The following DNAJC6 variants were observed in gnomAD, a reference collection of about 807,000 sequenced individuals.
The protein encoded by DNAJC6 is auxilin.
DNAJC6 carries 34 observed loss-of-function variants against 110.0 expected under a neutral mutation model. The observed-to-expected ratio is 0.31, with a 90% CI of 0.24 to 0.41. The LOEUF (loss-of-function observed/expected upper bound fraction) is 0.41, where lower values mean the gene tolerates loss of function less well. Among genes scored for constraint, DNAJC6 ranks in the 10% least tolerant of loss-of-function variants. DNAJC6 has a pLI of 1.00. For missense variants in DNAJC6, 1,031 were observed against 1,207.8 expected, an observed-to-expected ratio of 0.85 and a Z score of 2.17; for synonymous variants, 406 against 437.2, an observed-to-expected ratio of 0.93 and a Z score of 0.89.
intron 1 of DNAJC6, among the ~76,000 whole-genome samples, chr1:65,337,329 T>G (rs2101474174): frequency 6.6e-6 from 1 of 151,396 alleles, no homozygotes; most frequent in East Asian, 1.9e-4. Flanking sequence ...ACTATTTCTA[T>G]GAGGAAAAAC....
At chr1:65,411,759 C>G (rs1321882601) in intron 18 of DNAJC6, among the ~76,000 whole-genome samples, 1 of 151,836 alleles carries the variant, frequency 6.6e-6, no homozygotes, top group Non-Finnish European at 1.5e-5. Flanking sequence ...CGCTCGAGCC[C>G]TCAAGTTTGA....
At chr1:65,334,812 C>T (rs1186402892) in intron 1 of DNAJC6, among the ~76,000 whole-genome samples, 1 of 152,134 alleles carries the variant, frequency 6.6e-6, no homozygotes, top group Non-Finnish European at 1.5e-5. Flanking sequence ...CCCATTCTTA[C>T]TCCATAACCT....
rs747310079 is a variant in DNAJC6, at chr1:65,385,736, A to G, written c.825A>G (p.Leu275=). The change falls in exon 7 of 19, where the codon CTA becomes CTG. Residue 275 remains leucine (L), a synonymous_variant. Coordinates refer to ENST00000371069, the MANE Select transcript of DNAJC6 (RefSeq NM_001256864.2). The stretch of plus-strand genomic sequence containing the variant: ...GATACCTGGGCTATATGTGTGACCT[A>G]CTGGCAGACAAGCCCTACCGCCCTC... The part of the protein sequence containing the change: ...HRRYLGYMCD[L]LADKPYRPHF... The G allele has an allele frequency of 5.6e-6, 9 of 1,611,968 alleles. No individual in the cohort carries two copies. In the East Asian group the frequency reaches 2.0e-4, roughly 36 times the overall value.
chr1:65,293,941 C>A (rs898740931), intron 1 of DNAJC6, among the ~76,000 whole-genome samples: 1 of 152,144 alleles, frequency 6.6e-6, no homozygotes, highest in Non-Finnish European at 1.5e-5. Flanking sequence ...CAAAGGAAAT[C>A]AACATAAATT....
Position 65,408,842 on chromosome 1 carries a change from T to C in DNAJC6, c.2634+59T>C, listed in dbSNP as rs984555277. The C allele has an allele frequency of 1.4e-4, 223 of 1,586,332 alleles. 1 individual carries two copies. The highest frequency in any genetic ancestry group is 1.3e-3 in the East Asian group (58 of 44,648). ...TATATGACAAAGTCATGTGATAAAG[T>C]CATGTGTATGGAGCTATCGCCATGA... is the stretch of plus-strand genomic sequence containing the variant. On this transcript the variant is annotated intron_variant, in intron 17 of 18. Transcript: ENST00000371069.
intron 4 of DNAJC6, among the ~76,000 whole-genome samples, chr1:65,371,392 A>AT (rs551286222): frequency 6.6e-6 from 1 of 151,946 alleles, no homozygotes; most frequent in African/African-American, 2.4e-5. Context: ...CACTCTTAGA[A>AT]TTTTTTTTAT....
chr1:65,302,523 C>CTTTTTTTTTTTTTTTTTTT (rs1169755787), intron 1 of DNAJC6, among the ~76,000 whole-genome samples: 1 of 85,336 alleles, frequency 1.2e-5, no homozygotes, highest in Non-Finnish European at 2.1e-5. Flanking sequence ...CTCTTCCTTT[C>CTTTTTTTTTTTTTTTTTTT]TTTTTTTTTT....
upstream of DNAJC6, among the ~76,000 whole-genome samples, chr1:65,306,953 ACTCTCTCTCTCAATCTGTTTCTCTCTCT>A (rs1234262300): frequency 3.1e-5 from 4 of 127,636 alleles, no homozygotes; most frequent in Admixed American, 8.2e-5. Flanking sequence ...GTTAAGTACT[ACTCTCTCTCTCAATCTGTTTCTCTCTCT>A]CTCTCTCTCT....
chr1:65,406,220 A>T, intron 16 of DNAJC6, 87 bp downstream of exon 16: 1 of 1,499,282 alleles, frequency 6.7e-7, no homozygotes, highest in Non-Finnish European at 9.0e-7. Flanking sequence ...AGGTGACAGT[A>T]TTTTCTGGGT....
At chr1:65,311,098 A>G (rs562363416) in intron 1 of DNAJC6, among the ~76,000 whole-genome samples, 47 of 152,236 alleles carry the variant, frequency 3.1e-4, no homozygotes, top group Middle Eastern at 3.4e-3. Flanking sequence ...TGGGCTGAAA[A>G]CAAATTCTAC....
upstream of DNAJC6, among the ~76,000 whole-genome samples, chr1:65,306,965 AAT>A (rs1645045169): frequency 3.4e-5 from 2 of 59,386 alleles, no homozygotes; most frequent in African/African-American, 1.2e-4. Flanking sequence ...TCTCTCTCTC[AAT>A]CTGTTTCTCT....
At chr1:65,275,004 A>G (rs1653622885) in intron 1 of DNAJC6, among the ~76,000 whole-genome samples, 1 of 152,146 alleles carries the variant, frequency 6.6e-6, no homozygotes, top group Admixed American at 6.5e-5. Flanking sequence ...AGAAGACTTT[A>G]ACTCCATTTA....
chr1:65,399,512 C>T (rs1439090721), intron 14 of DNAJC6, among the ~76,000 whole-genome samples: 1 of 152,168 alleles, frequency 6.6e-6, no homozygotes, highest in Non-Finnish European at 1.5e-5. Flanking sequence ...GAAGCAGTTG[C>T]TGTTTCCTTT....
chr1:65,282,268 T>TG (rs200571975), intron 1 of DNAJC6, among the ~76,000 whole-genome samples: 2 of 151,968 alleles, frequency 1.3e-5, no homozygotes, highest in Non-Finnish European at 2.9e-5. Flanking sequence ...TTTTCAAGTT[T>TG]GGAAAAAAAA....
intron 1 of DNAJC6, among the ~76,000 whole-genome samples, chr1:65,335,228 C>T (rs1645324265): frequency 6.6e-6 from 1 of 151,896 alleles, no homozygotes. Context: ...CTGCCTCAGC[C>T]TTCCGAGTAG....
chr1:65,366,789 C>T (rs1004968567), intron 4 of DNAJC6, among the ~76,000 whole-genome samples: 7 of 152,110 alleles, frequency 4.6e-5, no homozygotes, highest in Admixed American at 3.3e-4. Context: ...CTCTCAAGAA[C>T]ATCTCTAAAT....
At chr1:65,392,056 G>A (rs1465374256) in intron 11 of DNAJC6, among the ~76,000 whole-genome samples, 1 of 152,192 alleles carries the variant, frequency 6.6e-6, no homozygotes, top group African/African-American at 2.4e-5. Flanking sequence ...GATTACAGGT[G>A]TGAACCACCA....
intron 17 of DNAJC6, 103 bp downstream of exon 17, chr1:65,408,886 G>T: frequency 7.4e-7 from 1 of 1,342,858 alleles, no homozygotes; most frequent in Non-Finnish European, 9.9e-7. Context: ...TATTGTCTTA[G>T]CCCATTCAGG....
Position 65,413,262 on chromosome 1 carries a change from A to T in DNAJC6, c.*237A>T, listed in dbSNP as rs1348798091. The T allele has an allele frequency of 2.3e-6, 1 of 434,532 alleles. No homozygotes were observed. 26.9% of individuals were successfully genotyped at this position (434,532 alleles called of 1,614,324 possible). ...AACTTCTAGTCAGATGACCTTGCAG[A>T]ACCACCGCATTCCACCCTGCCCTTT... On this transcript the variant is annotated 3_prime_UTR_variant, in exon 19 of 19. Transcript: ENST00000371069.
Sources: gnomAD v4.1 joint callset for allele counts (sites outside exome capture counted in the v4.1 genomes callset) on GRCh38, gnomAD v4.1.1 for gene constraint, MANE v1.5 for transcripts, NCBI Gene and HGNC (gene_info 2026-07-23, HGNC 2026-07-21) for gene names.